The following MCL1 variants were observed in gnomAD, a reference collection of about 807,000 sequenced individuals.
MCL1 encodes induced myeloid leukemia cell differentiation protein Mcl-1.
A neutral mutation model predicts 24.2 loss-of-function variants in MCL1; 4 were observed. The ratio of observed to expected loss-of-function variants is 0.17; its 90% CI spans 0.08 to 0.38. MCL1 has a LOEUF of 0.38. Ranked by LOEUF, MCL1 falls within the 10% of genes least tolerant of loss-of-function variation. MCL1 has a pLI of 1.00. For synonymous variants in MCL1, 248 were observed against 214.0 expected (o/e 1.16, Z -1.39); for missense variants, 529 against 480.3 (o/e 1.10, Z -0.95).
Position 150,575,215 on chromosome 1 carries a change from G to C in MCL1, c.*2160C>G. Reference sequence around the variant, plus strand: ...ATGATCAAGAACGATAAATACATAGGTAAAAATAGCTCTAGCAAAGATGAC... The same window carrying C: ...ATGATCAAGAACGATAAATACATAGCTAAAAATAGCTCTAGCAAAGATGAC... On this transcript the variant is annotated 3_prime_UTR_variant, in exon 3 of 3. Coordinates refer to ENST00000369026, the MANE Select transcript of MCL1 (RefSeq NM_021960.5). The C allele has an allele frequency of 1.3e-5, 3 of 233,220 alleles. No individual in the cohort carries two copies. Among genetic ancestry groups the C allele is most frequent in the Non-Finnish European group, 8.5e-6 (1 of 117,774 alleles). The allele number at this position is 233,220 out of a possible 1,614,324, so 14.4% of individuals were successfully genotyped here.
chr1:150,579,361 A>G lies in MCL1; in HGVS notation c.170T>C (p.Ile57Thr), dbSNP rs587657093. 34 of 1,485,000 alleles carry G rather than the reference A, an allele frequency of 2.3e-5. No homozygotes were observed. The East Asian group carries it at 8.8e-4, about 38-fold the overall frequency. The allele number at this position is 1,485,000 out of a possible 1,614,324, so 92.0% of individuals were successfully genotyped here. The change falls in exon 1 of 3, where the codon ATT (isoleucine) becomes ACT (threonine). Residue 57 changes from isoleucine (I) to threonine (T), a missense_variant. By Grantham distance (89) the Ile-to-Thr change is moderately conservative (BLOSUM62 -1). Coordinates refer to ENST00000369026, the MANE Select transcript of MCL1 (RefSeq NM_021960.5). ...GGGGCTTGCGCCGGCGCTTCCGCCAATCACCGCGCCGGCCTCCCCTCCCCC... is the reference window on the plus strand; with the variant it reads ...GGGGCTTGCGCCGGCGCTTCCGCCAGTCACCGCGCCGGCCTCCCCTCCCCC... ...EIGGGEAGAV[I>T]GGSAGASPPS... is the part of the protein sequence containing the mutation.
chr1:150,579,450 G>C lies in MCL1; in HGVS notation c.81C>G (p.Gly27=). Reference sequence around the variant, plus strand: ...AAAGTCGCCCTCCCGGGCGGGTGGCGCCGCCGCTGCCGGCCCCCAAGCCGG... The same window carrying C: ...AAAGTCGCCCTCCCGGGCGGGTGGCCCCGCCGCTGCCGGCCCCCAAGCCGG... The part of the protein sequence containing the change: ...GGAGLGAGSG[G]ATRPGGRLLA... The change falls in exon 1 of 3, where the codon GGC becomes GGG. Residue 27 remains glycine (G), a synonymous_variant. Coordinates refer to ENST00000369026, the MANE Select transcript of MCL1 (RefSeq NM_021960.5). 1 of 1,590,356 alleles carries C rather than the reference G, an allele frequency of 6.3e-7. No homozygotes were observed. The highest frequency in any genetic ancestry group is 8.5e-7 in the Non-Finnish European group (1 of 1,170,640).
intron 1 of MCL1, 99 bp downstream of exon 1, chr1:150,578,744 C>CA (rs1323111703): frequency 1.1e-5 from 14 of 1,309,402 alleles, no homozygotes; most frequent in Non-Finnish European, 1.5e-5. Flanking sequence ...CACGTTTCAA[C>CA]ACTGACTCGT....
rs2101701173 is a variant in MCL1, at chr1:150,579,545, G to A, written c.-15C>T. 6.3e-7 allele frequency: 1 copy of A among 1,590,152 alleles called. No individual in the cohort carries two copies. Among genetic ancestry groups the A allele is most frequent in the Non-Finnish European group, 8.5e-7 (1 of 1,169,998 alleles). On this transcript the variant is annotated 5_prime_UTR_variant, in exon 1 of 3. Transcript: ENST00000369026. Reference sequence around the variant, plus strand: ...AGGCCAAACATTGCCAGTCGCCGCCGCCGCCTGGCTGAGAAAACTGGGGAA... The same window carrying A: ...AGGCCAAACATTGCCAGTCGCCGCCACCGCCTGGCTGAGAAAACTGGGGAA...
chr1:150,577,594 C>CCTA (rs1647865792), intron 2 of MCL1, 103 bp from the exon 3 acceptor site: 1 of 1,271,064 alleles, frequency 7.9e-7, no homozygotes, highest in Non-Finnish European at 1.1e-6. Flanking sequence ...AAGGTTTCCC[C>CCTA]CTAAAGCAAT....
In MCL1 at chr1:150,576,019, G is replaced by T. The variant is rs947048119; in HGVS notation, c.*1356C>A. 1.2e-4 allele frequency: 28 copies of T among 233,676 alleles called. No homozygotes were observed. Among genetic ancestry groups the T allele is most frequent in the African/African-American group, 5.1e-4 (23 of 45,460 alleles). The allele number at this position is 233,676 out of a possible 1,614,324, so 14.5% of individuals were successfully genotyped here. On this transcript the variant is annotated 3_prime_UTR_variant, in exon 3 of 3. Transcript: ENST00000369026. ...ACATACTAGGCTTAGACCTGTGTGT[G>T]TAACAAGCAAGCCTAATAATAGCAC...
In MCL1 at chr1:150,577,200, G is replaced by A. The variant is rs1448972280; in HGVS notation, c.*175C>T. 1 of 713,406 alleles carries A rather than the reference G, an allele frequency of 1.4e-6. No homozygotes were observed. Among genetic ancestry groups the A allele is most frequent in the Non-Finnish European group, 2.3e-6 (1 of 444,252 alleles). The allele number at this position is 713,406 out of a possible 1,614,324, so 44.2% of individuals were successfully genotyped here. On this transcript the variant is annotated 3_prime_UTR_variant, in exon 3 of 3. Coordinates refer to ENST00000369026, the MANE Select transcript of MCL1 (RefSeq NM_021960.5). The stretch of plus-strand genomic sequence containing the variant: ...AGACAGTGACTCTTCAATCAATGGG[G>A]AGCACTCTTCCCATGTATTTATTCT...
At position 150,579,322 on chromosome 1, in the gene MCL1, G is replaced by A. The variant is rs771154790; in HGVS notation, c.209C>T (p.Thr70Met). The A allele has an allele frequency of 2.0e-6, 3 of 1,478,334 alleles. No homozygotes were observed. Among genetic ancestry groups the A allele is most frequent in the East Asian group, 2.5e-5 (1 of 39,804 alleles). 91.6% of individuals were successfully genotyped at this position (1,478,334 alleles called of 1,614,324 possible). Residue 70 changes from threonine (T) to methionine (M), a missense_variant, in exon 1 of 3, where the codon ACG becomes ATG. Physicochemically the swap from Thr to Met is moderately conservative, Grantham distance 81 (BLOSUM62 -1). Coordinates refer to ENST00000369026, the MANE Select transcript of MCL1 (RefSeq NM_021960.5). ...CCGCGCGACCCTCCGGGAGTCTGGC[G>A]TGAGGGTGGACGGGGGGCTTGCGCC... ...SAGASPPSTL[T>M]PDSRRVARPP...
chr1:150,578,747 T>C (rs1230313413), intron 1 of MCL1, 96 bp downstream of exon 1: 3 of 1,328,144 alleles, frequency 2.3e-6, no homozygotes, highest in Middle Eastern at 1.9e-4. Flanking sequence ...GTTTCAACAC[T>C]GACTCGTTTC....
intron 1 of MCL1, 69 bp from the exon 2 acceptor site, chr1:150,578,560 A>T: frequency 1.9e-6 from 3 of 1,576,972 alleles, no homozygotes; most frequent in Non-Finnish European, 2.6e-6. Flanking sequence ...TCGCCTGCCC[A>T]CCCGCGGCGG....
rs1485362622 is a variant in MCL1 at position 150,578,425 on chromosome 1, T to C, written c.755A>G (p.His252Arg). 2 of 1,614,190 alleles carry C rather than the reference T, an allele frequency of 1.2e-6. No individual in the cohort carries two copies. Among genetic ancestry groups the C allele is most frequent in the South Asian group, 1.1e-5 (1 of 91,086 alleles). Reference protein sequence around the residue: ...DVKSLSRVMIHVFSDGVTNWG... With the variant: ...DVKSLSRVMIRVFSDGVTNWG... ...GTTTGTTACGCCGTCGCTGAAAACA[T>C]GGATCATCACTCGAGACAACGATTT... Residue 252 changes from histidine to arginine, a missense_variant, in exon 2 of 3, where the codon CAT becomes CGT. Coordinates refer to ENST00000369026, the MANE Select transcript of MCL1 (RefSeq NM_021960.5).
rs1221507603 is a variant in MCL1, at chr1:150,574,737, T to G, written c.*2638A>C. The stretch of plus-strand genomic sequence containing the variant: ...CCCCCACAGAATGTACATGAAACAC[T>G]AGAGGACTGCATGTTTTTCCCTGAG... On this transcript the variant is annotated 3_prime_UTR_variant, in exon 3 of 3. Coordinates refer to ENST00000369026, the MANE Select transcript of MCL1 (RefSeq NM_021960.5). The G allele has an allele frequency of 4.3e-6, 1 of 233,050 alleles. No individual in the cohort carries two copies. Among genetic ancestry groups the G allele is most frequent in the South Asian group, 1.8e-4 (1 of 5,516 alleles). 14.4% of individuals were successfully genotyped at this position (233,050 alleles called of 1,614,324 possible).
rs587612386 is a variant in MCL1, at chr1:150,579,491, G to C, written c.40C>G (p.Leu14Val). The C allele has an allele frequency of 1.4e-5, 22 of 1,600,040 alleles. No individual in the cohort carries two copies. The highest frequency in any genetic ancestry group is 2.8e-5 in the African/African-American group (2 of 72,682). Residue 14 changes from leucine (L) to valine (V), a missense_variant, in exon 1 of 3, where the codon CTC becomes GTC. Leu to Val is a conservative substitution (Grantham distance 32). Transcript: ENST00000369026. ...LKRNAVIGLN[L>V]YCGGAGLGAG... Reference sequence around the variant, plus strand: ...CCCAAGCCGGCCCCCCCACAGTAGAGGTTGAGTCCGATTACCGCGTTTCTT... The same window carrying C: ...CCCAAGCCGGCCCCCCCACAGTAGACGTTGAGTCCGATTACCGCGTTTCTT...
Position 150,575,502 on chromosome 1 carries a change from A to G in MCL1, c.*1873T>C, listed in dbSNP as rs1647760296. The G allele has an allele frequency of 4.3e-6, 1 of 232,944 alleles. No individual in the cohort carries two copies. The highest frequency in any genetic ancestry group is 1.8e-4 in the South Asian group (1 of 5,532). 14.4% of individuals were successfully genotyped at this position (232,944 alleles called of 1,614,324 possible). Reference sequence around the variant, plus strand: ...CAAAGGAAACTTTAGAGAAAGCCTCATAAAATGTTCTTTCCTCTGAAAATT... The same window carrying G: ...CAAAGGAAACTTTAGAGAAAGCCTCGTAAAATGTTCTTTCCTCTGAAAATT... On this transcript the variant is annotated 3_prime_UTR_variant, in exon 3 of 3. Coordinates refer to ENST00000369026, the MANE Select transcript of MCL1 (RefSeq NM_021960.5).
Position 150,576,158 on chromosome 1 carries a change from A to T in MCL1, c.*1217T>A. 1 of 233,420 alleles carries T rather than the reference A, an allele frequency of 4.3e-6. No individual in the cohort carries two copies. The allele number at this position is 233,420 out of a possible 1,614,324, so 14.5% of individuals were successfully genotyped here. Reference sequence around the variant, plus strand: ...TGATCTTTTTATATGCACACAGCTAATGAGTTCCATTCAGCTGAAAATCTT... The same window carrying T: ...TGATCTTTTTATATGCACACAGCTATTGAGTTCCATTCAGCTGAAAATCTT... On this transcript the variant is annotated 3_prime_UTR_variant, in exon 3 of 3. Coordinates refer to ENST00000369026, the MANE Select transcript of MCL1 (RefSeq NM_021960.5).
rs2101699708 is a variant in MCL1 at position 150,579,258 on chromosome 1, C to G, written c.273G>C (p.Ala91=). The G allele has an allele frequency of 6.6e-7, 1 of 1,509,182 alleles. No individual in the cohort carries two copies. Among genetic ancestry groups the G allele is most frequent in the Non-Finnish European group, 8.8e-7 (1 of 1,134,686 alleles). 93.5% of individuals were successfully genotyped at this position (1,509,182 alleles called of 1,614,324 possible). A position where few individuals can be genotyped will look rare whatever the true frequency, so the allele number is the denominator to read the frequency against. ...CGAAGAAAAGCAGCCTCGCGGGGGT[C>G]GCGGTGACGTCGGGGACCTCGGCGC... is the stretch of plus-strand genomic sequence containing the variant. ...PIGAEVPDVT[A]TPARLLFFAP... is the part of the protein sequence containing the mutation. Residue 91 remains alanine, a synonymous_variant, in exon 1 of 3, where the codon GCG becomes GCC. Coordinates refer to ENST00000369026, the MANE Select transcript of MCL1 (RefSeq NM_021960.5).
In MCL1 at chr1:150,579,065, T is replaced by C. The variant is rs755770114; in HGVS notation, c.466A>G (p.Thr156Ala). The C allele has an allele frequency of 1.2e-5, 19 of 1,613,144 alleles. No homozygotes were observed. In the East Asian group the frequency reaches 4.2e-4, roughly 36 times the overall value. ...LVGESGNNTS[T>A]DGSLPSTPPP... ...GGCGTCGAGGGTAGTGACCCGTCCGTACTGGTGTTATTACCAGATTCCCCG... is the reference window on the plus strand; with the variant it reads ...GGCGTCGAGGGTAGTGACCCGTCCGCACTGGTGTTATTACCAGATTCCCCG... The change falls in exon 1 of 3, where the codon ACG becomes GCG. Residue 156 changes from threonine (T) to alanine (A), a missense_variant. Coordinates refer to ENST00000369026, the MANE Select transcript of MCL1 (RefSeq NM_021960.5).
intron 1 of MCL1, 28 bp from the exon 2 acceptor site, chr1:150,578,519 A>C: frequency 6.2e-7 from 1 of 1,612,284 alleles, no homozygotes; most frequent in Middle Eastern, 1.8e-4. Context: ...GCAGGTCCTC[A>C]CGGCCTCCTT....
At position 150,575,338 on chromosome 1, in the gene MCL1, G is replaced by A. The variant is rs1261639799; in HGVS notation, c.*2037C>T. 1 of 233,134 alleles carries A rather than the reference G, an allele frequency of 4.3e-6. No homozygotes were observed. The highest frequency in any genetic ancestry group is 8.5e-6 in the Non-Finnish European group (1 of 117,864). The allele number at this position is 233,134 out of a possible 1,614,324, so 14.4% of individuals were successfully genotyped here. A position where few individuals can be genotyped will look rare whatever the true frequency, so the allele number is the denominator to read the frequency against. On this transcript the variant is annotated 3_prime_UTR_variant, in exon 3 of 3. Transcript: ENST00000369026. ...TTTTAAATGGAGTCCACAGACTAAA[G>A]GTCATGTTCCGAGACTGAAGCTTTC... is the stretch of plus-strand genomic sequence containing the variant.
Sources: gnomAD v4.1 joint callset for allele counts on GRCh38, gnomAD v4.1.1 for gene constraint, MANE v1.5 for transcripts, NCBI Gene and HGNC (gene_info 2026-07-23, HGNC 2026-07-21) for gene names.